The following MARCHF8 variants were observed in gnomAD, a reference collection of about 807,000 sequenced individuals.
MARCHF8 encodes the protein membrane associated ring-CH-type finger 8.
Under a neutral mutation model 51.6 loss-of-function variants are expected in MARCHF8, and 40 were observed. That is an observed-to-expected ratio of 0.77 (90% confidence interval 0.60 to 1.01). MARCHF8 has a LOEUF of 1.01. MARCHF8 is among the 50% of genes least tolerant of loss of function. The pLI is 0.00. For missense variants in MARCHF8, 685 were observed against 708.6 expected, an observed-to-expected ratio of 0.97 and a Z score of 0.38; for synonymous variants, 263 against 280.3, an observed-to-expected ratio of 0.94 and a Z score of 0.62.
At chr10:45,542,557 T>C (rs1376755704) in intron 1 of MARCHF8, among the ~76,000 whole-genome samples, 1 of 152,048 alleles carries the variant, frequency 6.6e-6, no homozygotes, top group East Asian at 1.9e-4. Flanking sequence ...TGTAGCAGAG[T>C]ACTGTAGCAG....
intron 1 of MARCHF8, among the ~76,000 whole-genome samples, chr10:45,570,190 A>G (rs921191313): frequency 2.0e-5 from 3 of 152,196 alleles, no homozygotes; most frequent in Admixed American, 1.3e-4. Context: ...ACCCATTACC[A>G]AAATATTTTT....
At chr10:45,571,844 T>C (rs1030761266) in intron 1 of MARCHF8, among the ~76,000 whole-genome samples, 1 of 152,152 alleles carries the variant, frequency 6.6e-6, no homozygotes, top group Non-Finnish European at 1.5e-5. Flanking sequence ...CCTTTTCTGG[T>C]AGAGACAAAG....
chr10:45,515,443 C>T (rs58865519), intron 2 of MARCHF8, among the ~76,000 whole-genome samples: 2,984 of 152,158 alleles, frequency 0.02, 98 homozygotes, highest in African/African-American at 0.067. Flanking sequence ...ATTTGTTGTT[C>T]TGCAACAAAC....
chr10:45,519,764 C>T (rs1442021184), intron 2 of MARCHF8, among the ~76,000 whole-genome samples: 2 of 152,140 alleles, frequency 1.3e-5, no homozygotes, highest in Non-Finnish European at 2.9e-5. Flanking sequence ...TTTGCCAGCC[C>T]CTGACCTACA....
At chr10:45,478,633 C>G (rs1049498604) in intron 3 of MARCHF8, among the ~76,000 whole-genome samples, 2 of 148,864 alleles carry the variant, frequency 1.3e-5, no homozygotes, top group African/African-American at 4.9e-5. Context: ...GATAGACTAG[C>G]TAGACTAACC....
chr10:45,539,326 G>C (rs2044018455), upstream of MARCHF8, among the ~76,000 whole-genome samples: 1 of 152,222 alleles, frequency 6.6e-6, no homozygotes, highest in African/African-American at 2.4e-5. Context: ...GCAGTGTGTA[G>C]AGGGAAATTT....
At position 45,459,205 on chromosome 10, in the gene MARCHF8, G is replaced by A. The variant is rs758964076; in HGVS notation, c.1332C>T (p.His444=). 3.1e-6 allele frequency: 5 copies of A among 1,614,114 alleles called. No homozygotes were observed. Among genetic ancestry groups the A allele is most frequent in the South Asian group, 1.1e-5 (1 of 91,078 alleles). ...RRKIMCSVTF[H]VIAITCVVWS... is the part of the protein sequence containing the mutation. ...AGACCACACATGTGATGGCAATGAC[G>A]TGGAATGTCACTGAGCACATGATCT... Residue 444 remains histidine (H), a synonymous_variant, in exon 7 of 8, where the codon CAC becomes CAT. Transcript: ENST00000453424.
At chr10:45,585,525 G>T (rs901318592) in intron 1 of MARCHF8, among the ~76,000 whole-genome samples, 2 of 152,058 alleles carry the variant, frequency 1.3e-5, no homozygotes, top group Non-Finnish European at 2.9e-5. Flanking sequence ...AGCATGCAGG[G>T]CAAAACAACA....
At chr10:45,495,068 C>T (rs922973323) in intron 2 of MARCHF8, among the ~76,000 whole-genome samples, 1 of 150,950 alleles carries the variant, frequency 6.6e-6, no homozygotes, top group Non-Finnish European at 1.5e-5. Flanking sequence ...TGCAGTGAGC[C>T]GAGATCGCGC....
At chr10:45,474,839 T>C (rs1230871921) in intron 3 of MARCHF8, among the ~76,000 whole-genome samples, 1 of 152,078 alleles carries the variant, frequency 6.6e-6, no homozygotes, top group Non-Finnish European at 1.5e-5. Context: ...TCCCCAGCGG[T>C]CCACATTCCT....
chr10:45,516,762 T>C (rs952795374), intron 2 of MARCHF8, among the ~76,000 whole-genome samples: 1 of 150,792 alleles, frequency 6.6e-6, no homozygotes, highest in African/African-American at 2.4e-5. Context: ...AGACTTTGTC[T>C]CAAAAAAAAA....
chr10:45,584,934 T>G (rs562116204), intron 1 of MARCHF8, among the ~76,000 whole-genome samples: 8 of 152,286 alleles, frequency 5.3e-5, no homozygotes, highest in African/African-American at 1.9e-4. Context: ...TGGACCTCAG[T>G]CCTACAACCA....
intron 6 of MARCHF8, chr10:45,459,927 T>C (rs1261847236): frequency 3.1e-6 from 3 of 980,636 alleles, no homozygotes; most frequent in Non-Finnish European, 3.6e-6. Context: ...GAAAGAACAA[T>C]GTGTAAACAC....
At chr10:45,479,101 A>G (rs971662127) in intron 3 of MARCHF8, among the ~76,000 whole-genome samples, 1 of 152,232 alleles carries the variant, frequency 6.6e-6, no homozygotes, top group East Asian at 1.9e-4. Flanking sequence ...AATCCTTAAC[A>G]AAATACGAAT....
intron 3 of MARCHF8, among the ~76,000 whole-genome samples, chr10:45,485,076 G>C (rs959014909): frequency 6.6e-6 from 1 of 152,196 alleles, no homozygotes; most frequent in African/African-American, 2.4e-5. Context: ...GAAGAGGGAT[G>C]AACCAATGGG....
At chr10:45,504,347 G>A (rs1272765288) in intron 2 of MARCHF8, among the ~76,000 whole-genome samples, 9 of 152,362 alleles carry the variant, frequency 5.9e-5, no homozygotes, top group Non-Finnish European at 8.8e-5. Flanking sequence ...GGGAGGCTGA[G>A]ACAGGAGAAT....
chr10:45,591,232 T>C (rs765331952), intron 1 of MARCHF8, among the ~76,000 whole-genome samples: 1 of 152,178 alleles, frequency 6.6e-6, no homozygotes, highest in Non-Finnish European at 1.5e-5. Context: ...CAAAGCCTGT[T>C]TGGTGGTCTC....
At position 45,463,240 on chromosome 10, in the gene MARCHF8, C is replaced by T. The variant is rs970541212; in HGVS notation, c.999G>A (p.Thr333=). Residue 333 remains threonine, a synonymous_variant, in exon 5 of 8, where the codon ACG becomes ACA. Coordinates refer to ENST00000453424, the MANE Select transcript of MARCHF8 (RefSeq NM_001282866.2). ...GACAATCCAGGTCGCTGTCCTTTTC[C>T]GTGGAGCAGAGGGGCGCCCGCAGAA... ...SRVLRAPLCS[T]EKDSDLDCPS... is the part of the protein sequence containing the mutation. 4.5e-6 allele frequency: 7 copies of T among 1,550,816 alleles called. No individual in the cohort carries two copies. In the South Asian group the frequency reaches 4.8e-5, roughly 11 times the overall value.
At chr10:45,492,780 TCTCA>T (rs1243548195) in intron 2 of MARCHF8, among the ~76,000 whole-genome samples, 1 of 152,232 alleles carries the variant, frequency 6.6e-6, no homozygotes, top group Non-Finnish European at 1.5e-5. Context: ...TGGACCAAAA[TCTCA>T]CTCCTAACCA....
Sources: allele counts gnomAD v4.1 joint callset (sites outside exome capture counted in the v4.1 genomes callset), GRCh38; gene constraint gnomAD v4.1.1; transcripts MANE v1.5; gene names NCBI Gene and HGNC (gene_info 2026-07-23, HGNC 2026-07-21).